Variants in RGS6 observed in about 807,000 individuals in gnomAD.
The protein encoded by RGS6 is regulator of G-protein signaling 6.
In RGS6, 30 loss-of-function variants were observed where a neutral mutation model predicts 78.5. The observed-to-expected ratio is 0.38, with a 90% CI of 0.29 to 0.52. The LOEUF (loss-of-function observed/expected upper bound fraction) is 0.52. RGS6 is among the 20% of genes least tolerant of loss of function. The pLI is 0.85. For missense variants in RGS6, 495 were observed against 609.7 expected, an observed-to-expected ratio of 0.81 and a Z score of 1.98; for synonymous variants, 206 against 206.0, an observed-to-expected ratio of 1.00 and a Z score of 0.00.
At chr14:72,308,477 A>G (rs1166122651) in intron 2 of RGS6, among the ~76,000 whole-genome samples, 2 of 152,176 alleles carry the variant, frequency 1.3e-5, no homozygotes, top group African/African-American at 4.8e-5. Flanking sequence ...ACTTGTCTTA[A>G]ATAGTCCACT....
intron 2 of RGS6, among the ~76,000 whole-genome samples, chr14:72,232,824 G>T (rs1567535077): frequency 1.3e-5 from 2 of 152,210 alleles, no homozygotes; most frequent in South Asian, 4.1e-4. Context: ...GAGGGAACAG[G>T]TGCTGGGATG....
At chr14:71,919,459 GGT>G in the RGS6 span, among the ~76,000 whole-genome samples, 14 of 149,790 alleles carry the variant, frequency 9.3e-5, no homozygotes, top group South Asian at 2.1e-4. Flanking sequence ...CAAGATATAG[GGT>G]GTGTGTGTGT....
rs188860143 is a variant in RGS6 at position 72,216,084 on chromosome 14, A to G, written c.85-136011A>G. 2.2e-4 allele frequency among the ~76,000 whole-genome samples: 34 copies of G among 152,318 alleles called. 1 individual carries two copies. The East Asian group carries it at 6.4e-3, about 29-fold the overall frequency. On this transcript the variant is annotated intron_variant, in intron 2 of 17. Transcript: ENST00000553525. ...AATTAATTGTCCACTCTATCATCTA[A>G]AGATCTCACGACAAACAGTATATGG...
intron 10 of RGS6, 43 bp downstream of exon 10, chr14:72,474,742 C>A: frequency 6.7e-7 from 1 of 1,487,062 alleles, no homozygotes; most frequent in Middle Eastern, 1.8e-4. Flanking sequence ...ATGTGAATAG[C>A]CCTTCCAGTT....
the RGS6 span, among the ~76,000 whole-genome samples, chr14:72,608,893 T>G: frequency 6.6e-6 from 1 of 152,146 alleles, no homozygotes; most frequent in Admixed American, 6.5e-5. Flanking sequence ...CGTGTTTCTC[T>G]CTCTCCCTCT....
intron 3 of RGS6, among the ~76,000 whole-genome samples, chr14:72,389,090 C>G (rs2089207508): frequency 1.3e-5 from 2 of 152,166 alleles, no homozygotes; most frequent in Admixed American, 1.3e-4. Flanking sequence ...GGTCCATGTG[C>G]TGGACCCATA....
At chr14:72,016,124 G>A (rs2086910054) in intron 2 of RGS6, among the ~76,000 whole-genome samples, 3 of 152,036 alleles carry the variant, frequency 2.0e-5, no homozygotes, top group African/African-American at 7.2e-5. Flanking sequence ...AAGAAATACT[G>A]CTCTATCCCA....
intron 3 of RGS6, among the ~76,000 whole-genome samples, chr14:72,354,309 G>C (rs531925671): frequency 2.0e-5 from 3 of 152,060 alleles, no homozygotes; most frequent in Admixed American, 6.6e-5. Context: ...ACTTCTTCTT[G>C]TATCCTTGTT....
chr14:72,609,751 G>A, the RGS6 span, among the ~76,000 whole-genome samples: 3 of 152,278 alleles, frequency 2.0e-5, no homozygotes, highest in East Asian at 3.9e-4. Flanking sequence ...TGTTGCTGTC[G>A]TTGCTTTTTA....
At chr14:72,615,701 A>C in the RGS6 span, among the ~76,000 whole-genome samples, 1 of 152,168 alleles carries the variant, frequency 6.6e-6, no homozygotes, top group Admixed American at 6.5e-5. Flanking sequence ...CAGGGACAGG[A>C]GCAGGGGAGC....
At chr14:72,277,073 C>A (rs1274419627) in intron 2 of RGS6, among the ~76,000 whole-genome samples, 3 of 152,180 alleles carry the variant, frequency 2.0e-5, no homozygotes. Context: ...GAATTGAATG[C>A]ATGAATGAAC....
intron 2 of RGS6, among the ~76,000 whole-genome samples, chr14:72,027,580 C>T (rs931173272): frequency 2.6e-5 from 4 of 152,044 alleles, no homozygotes; most frequent in South Asian, 2.1e-4. Flanking sequence ...ATGTCAAAAG[C>T]GTGATTCTGG....
At chr14:72,184,330 G>A (rs1057245847) in intron 2 of RGS6, among the ~76,000 whole-genome samples, 1 of 149,932 alleles carries the variant, frequency 6.7e-6, no homozygotes, top group African/African-American at 2.5e-5. Context: ...CTGGCACAAA[G>A]TGATTTCTTG....
At chr14:72,372,269 T>C (rs944147713) in intron 3 of RGS6, among the ~76,000 whole-genome samples, 3 of 152,248 alleles carry the variant, frequency 2.0e-5, no homozygotes, top group African/African-American at 7.2e-5. Context: ...ACGTTGACTT[T>C]AATAAGGCAT....
At chr14:72,168,569 A>T (rs2096962630) in intron 2 of RGS6, among the ~76,000 whole-genome samples, 1 of 152,240 alleles carries the variant, frequency 6.6e-6, no homozygotes, top group East Asian at 1.9e-4. Flanking sequence ...TATGTTGATT[A>T]TGTGCTGACA....
chr14:72,102,753 A>G (rs1464365121), intron 2 of RGS6, among the ~76,000 whole-genome samples: 3 of 152,342 alleles, frequency 2.0e-5, no homozygotes, highest in African/African-American at 4.8e-5. Context: ...GCAAAATACA[A>G]TTAACTTTAA....
chr14:72,487,165 A>C (rs968024038), intron 12 of RGS6, among the ~76,000 whole-genome samples: 2 of 152,210 alleles, frequency 1.3e-5, no homozygotes, highest in South Asian at 4.1e-4. Context: ...ATGAGGGTGC[A>C]TAGATTCATG....
At chr14:72,397,081 A>G (rs535957675) in intron 3 of RGS6, among the ~76,000 whole-genome samples, 2 of 152,332 alleles carry the variant, frequency 1.3e-5, no homozygotes, top group Non-Finnish European at 1.5e-5. Flanking sequence ...AATTCTGTGA[A>G]GAAAGTCATT....
chr14:72,455,652 C>T (rs1457044213), intron 4 of RGS6, among the ~76,000 whole-genome samples: 1 of 152,128 alleles, frequency 6.6e-6, no homozygotes, highest in Non-Finnish European at 1.5e-5. Flanking sequence ...AGTGAAAATT[C>T]TTAATTCTAG....
Sources: allele counts gnomAD v4.1 joint callset (sites outside exome capture counted in the v4.1 genomes callset), GRCh38; gene constraint gnomAD v4.1.1; transcripts MANE v1.5; gene names NCBI Gene and HGNC (gene_info 2026-07-23, HGNC 2026-07-21).